Variants in ZNF529 observed in about 807,000 individuals in gnomAD.
ZNF529 encodes the protein zinc finger protein 529.
Under a neutral mutation model 10.1 loss-of-function variants are expected in ZNF529, and 11 were observed. That is an observed-to-expected ratio of 1.09 (90% CI 0.69 to 1.81). ZNF529 has a LOEUF of 1.81. Among genes scored for constraint, ZNF529 ranks in the 40% most tolerant of loss-of-function variants. The pLI, the probability that ZNF529 is intolerant of heterozygous loss-of-function variation, is 0.00. For synonymous variants in ZNF529, 204 were observed against 215.7 expected (o/e 0.95, Z 0.47); for missense variants, 624 against 666.8 (o/e 0.94, Z 0.71).
chr19:36,588,973 C>T (rs548274321), intron 2 of ZNF529, among the ~76,000 whole-genome samples: 5 of 148,326 alleles, frequency 3.4e-5, no homozygotes, highest in African/African-American at 7.5e-5. Context: ...GACAGGATCA[C>T]GCTCTGTCAC....
chr19:36,568,849 G>A (rs1349489711), intron 2 of ZNF529, among the ~76,000 whole-genome samples: 1 of 152,180 alleles, frequency 6.6e-6, no homozygotes, highest in Non-Finnish European at 1.5e-5. Flanking sequence ...GGGCACTGTG[G>A]TGCATCAAAG....
At chr19:36,564,937 G>C (rs1011614533) in intron 2 of ZNF529, among the ~76,000 whole-genome samples, 27 of 152,160 alleles carry the variant, frequency 1.8e-4, no homozygotes, top group Non-Finnish European at 3.5e-4. Flanking sequence ...CATGTCCTTT[G>C]AAGCAACATG....
At chr19:36,602,641 A>T (rs2036945490) in intron 1 of ZNF529, among the ~76,000 whole-genome samples, 1 of 151,920 alleles carries the variant, frequency 6.6e-6, no homozygotes, top group Non-Finnish European at 1.5e-5. Flanking sequence ...AAAGAAAAAA[A>T]CACCTGGCCG....
In ZNF529 at chr19:36,600,686, C is replaced by T. The variant is rs369166674; in HGVS notation, c.-128+4440G>A. ...CTCTCATAAAATTAGAGACTTTTGC[C>T]GAGGAAAAAATACGCATGAATAAAA... is the stretch of plus-strand genomic sequence containing the variant. On this transcript the variant is annotated intron_variant, in intron 1 of 4. Transcript: ENST00000585960. 3.0e-4 allele frequency among the ~76,000 whole-genome samples: 45 copies of T among 151,884 alleles called. No homozygotes were observed. In the East Asian group the frequency reaches 4.8e-3, roughly 16 times the overall value.
Position 36,545,810 on chromosome 19 carries a change from A to G in ZNF529, c.*1056T>C, listed in dbSNP as rs2034987546. 6.6e-6 allele frequency: 1 copy of G among 152,042 alleles called. No homozygotes were observed. The highest frequency in any genetic ancestry group is 6.6e-5 in the Admixed American group (1 of 15,258). The allele number at this position is 152,042 out of a possible 1,614,324, so 9.4% of individuals were successfully genotyped here. On this transcript the variant is annotated 3_prime_UTR_variant, in exon 5 of 5. Coordinates refer to ENST00000591340, the MANE Select transcript of ZNF529 (RefSeq NM_020951.5). ...GTGGTCATTTTTTCTCCCCTTTTAA[A>G]GGTGTTTGACAAATTTTAGAGTGAT...
chr19:36,586,059 G>A (rs142607736), intron 2 of ZNF529, among the ~76,000 whole-genome samples: 86 of 152,254 alleles, frequency 5.6e-4, no homozygotes, highest in African/African-American at 1.9e-3. Flanking sequence ...TGTGGAACAC[G>A]AAATCCCATC....
intron 2 of ZNF529, among the ~76,000 whole-genome samples, chr19:36,568,474 CTTT>C (rs565480524): frequency 8.4e-5 from 11 of 131,112 alleles, no homozygotes; most frequent in African/African-American, 1.1e-4. Flanking sequence ...GATTTTCTTT[CTTT>C]TTTTTTTTTT....
At chr19:36,582,182 T>C (rs2036478469) in intron 2 of ZNF529, 1 of 152,182 alleles carries the variant, frequency 6.6e-6, no homozygotes, top group Non-Finnish European at 1.5e-5. Context: ...AGGGTAGTTA[T>C]TATTTCATGG....
intron 2 of ZNF529, among the ~76,000 whole-genome samples, chr19:36,565,202 T>C (rs970929559): frequency 6.6e-6 from 1 of 152,024 alleles, no homozygotes; most frequent in Non-Finnish European, 1.5e-5. Flanking sequence ...AATATACTCA[T>C]GTTAACCAAC....
intron 2 of ZNF529, among the ~76,000 whole-genome samples, chr19:36,578,504 A>C (rs2036390018): frequency 1.3e-5 from 2 of 150,178 alleles, no homozygotes; most frequent in South Asian, 4.2e-4. Flanking sequence ...ATGGGGTTTC[A>C]CCGTGTTAGC....
Position 36,548,303 on chromosome 19 carries a change from C to T in ZNF529, c.255G>A (p.Glu85=). 1 of 1,579,140 alleles carries T rather than the reference C, an allele frequency of 6.3e-7. No homozygotes were observed. The highest frequency in any genetic ancestry group is 8.6e-7 in the Non-Finnish European group (1 of 1,161,346). Residue 85 remains glutamate, a synonymous_variant, in exon 5 of 5, where the codon GAG becomes GAA. Coordinates refer to ENST00000591340, the MANE Select transcript of ZNF529 (RefSeq NM_020951.5). ...LLSLDLESRN[E]TKHLSVGKDI... is the part of the protein sequence containing the mutation. ...CTTTTCCTACAGATAAATGCTTAGT[C>T]TCATTCCTGGACTCCAAATCTGAAA...
chr19:36,585,084 A>G (rs1347422175), intron 2 of ZNF529, among the ~76,000 whole-genome samples: 1 of 152,210 alleles, frequency 6.6e-6, no homozygotes, highest in Admixed American at 6.5e-5. Flanking sequence ...AAGTCTGACC[A>G]GAATAGCACA....
At position 36,547,363 on chromosome 19, in the gene ZNF529, A is replaced by G. The variant is rs1453407872; in HGVS notation, c.1195T>C (p.Cys399Arg). The G allele has an allele frequency of 3.7e-6, 6 of 1,613,760 alleles. No homozygotes were observed. The highest frequency in any genetic ancestry group is 2.2e-5 in the East Asian group (1 of 44,864). Residue 399 changes from cysteine to arginine, a missense_variant, in exon 5 of 5, where the codon TGT (cysteine) becomes CGT (arginine). Transcript: ENST00000591340. Reference sequence around the variant, plus strand: ...GAACTATTTCTAAAGACCTTTCCACATGCTTTGCATTCATAGGGTTTCTTA... The same window carrying G: ...GAACTATTTCTAAAGACCTTTCCACGTGCTTTGCATTCATAGGGTTTCTTA... Reference protein sequence around the residue: ...TGKKPYECKACGKVFRNSSSL... With the variant: ...TGKKPYECKARGKVFRNSSSL...
chr19:36,574,541 G>C (rs773458212), upstream of ZNF529, among the ~76,000 whole-genome samples: 5 of 152,064 alleles, frequency 3.3e-5, no homozygotes, highest in Non-Finnish European at 4.4e-5. Flanking sequence ...AAGATGGTCT[G>C]GGTGTGCTTA....
At chr19:36,560,862 G>A (rs1201224971) in intron 2 of ZNF529, among the ~76,000 whole-genome samples, 1 of 152,314 alleles carries the variant, frequency 6.6e-6, no homozygotes, top group African/African-American at 2.4e-5. Flanking sequence ...AGAGTAAAAT[G>A]TGAGAAGAAA....
Position 36,547,962 on chromosome 19 carries a change from T to C in ZNF529, c.596A>G (p.Tyr199Cys), listed in dbSNP as rs1568573128. 4 of 1,612,728 alleles carry C rather than the reference T, an allele frequency of 2.5e-6. No homozygotes were observed. Among genetic ancestry groups the C allele is most frequent in the East Asian group, 2.2e-5 (1 of 44,868 alleles). Residue 199 changes from tyrosine (Y) to cysteine (C), a missense_variant, in exon 5 of 5, where the codon TAT (tyrosine) becomes TGT (cysteine). Tyr to Cys is a radical substitution (Grantham distance 194, BLOSUM62 -2). Transcript: ENST00000591340. The part of the protein sequence containing the change: ...YQKIHTGGKN[Y>C]ECNQCWKTFG... ...GGTTTTCCAACATTGATTACATTCA[T>C]AGTTTTTTCCACCAGTATGTATTTT...
rs189061487 is a variant in ZNF529 at position 36,561,980 on chromosome 19, A to G, written c.15-5783T>C. 4.0e-3 allele frequency among the ~76,000 whole-genome samples: 603 copies of G among 152,340 alleles called. 1 individual carries two copies. The highest frequency in any genetic ancestry group is 0.01 in the Middle Eastern group (3 of 294). Reference sequence around the variant, plus strand: ...GCCGGGTGCAGTGGCTCATGCCTATAATCCCAGCACTCTGGGAGGCCAAGG... The same window carrying G: ...GCCGGGTGCAGTGGCTCATGCCTATGATCCCAGCACTCTGGGAGGCCAAGG... On this transcript the variant is annotated intron_variant, in intron 2 of 4. Coordinates refer to ENST00000591340, the MANE Select transcript of ZNF529 (RefSeq NM_020951.5).
At chr19:36,603,339 G>A (rs1305899473) in intron 1 of ZNF529, among the ~76,000 whole-genome samples, 2 of 152,168 alleles carry the variant, frequency 1.3e-5, no homozygotes, top group Non-Finnish European at 2.9e-5. Context: ...TCTAGGAAGG[G>A]CATCTGATGA....
chr19:36,551,583 A>T (rs551071724), intron 4 of ZNF529, among the ~76,000 whole-genome samples: 26 of 152,256 alleles, frequency 1.7e-4, no homozygotes, highest in African/African-American at 6.3e-4. Context: ...GACATATAAT[A>T]AAAAAAGCCT....
Sources: gnomAD v4.1 joint callset for allele counts (sites outside exome capture counted in the v4.1 genomes callset) on GRCh38, gnomAD v4.1.1 for gene constraint, MANE v1.5 for transcripts, NCBI Gene and HGNC (gene_info 2026-07-23, HGNC 2026-07-21) for gene names.